The following BNC2 variants were observed in gnomAD, a reference collection of about 807,000 sequenced individuals.
BNC2 encodes zinc finger protein basonuclin-2.
BNC2 carries 20 observed loss-of-function variants against 76.3 expected under a neutral mutation model. The ratio of observed to expected loss-of-function variants is 0.26; its 90% confidence interval spans 0.18 to 0.38. BNC2 has a LOEUF of 0.38. Ranked by LOEUF, BNC2 falls within the 10% of genes least tolerant of loss-of-function variation. The probability of loss-of-function intolerance (pLI) is 1.00; values close to 1 mark genes in which losing one functional copy is unlikely to be tolerated. For missense variants in BNC2, 1,382 were observed against 1,399.8 expected, an observed-to-expected ratio of 0.99 and a Z score of 0.20; for synonymous variants, 582 against 514.8, an observed-to-expected ratio of 1.13 and a Z score of -1.77.
At chr9:16,687,208 T>C (rs909377048) in intron 3 of BNC2, among the ~76,000 whole-genome samples, 6 of 151,220 alleles carry the variant, frequency 4.0e-5, no homozygotes, top group African/African-American at 1.2e-4. Flanking sequence ...GAATTTAATT[T>C]TAAAAAAAAA....
chr9:16,471,366 T>C (rs1017025764), intron 5 of BNC2, among the ~76,000 whole-genome samples: 1 of 151,356 alleles, frequency 6.6e-6, no homozygotes, highest in Non-Finnish European at 1.5e-5. Flanking sequence ...CGATCTTGGC[T>C]CACTGCAACC....
intron 5 of BNC2, among the ~76,000 whole-genome samples, chr9:16,480,725 G>A (rs559407396): frequency 2.4e-4 from 37 of 152,330 alleles, no homozygotes; most frequent in East Asian, 1.2e-3. Flanking sequence ...ATTTCTCACC[G>A]GGCCCTAGCT....
rs1322740741 is a variant in BNC2, at chr9:16,721,049, T to C, written c.330+6748A>G. On this transcript the variant is annotated intron_variant, in intron 3 of 6. Transcript: ENST00000380672. ...TTTTTCCTATTCGTTAAACTTTCTT[T>C]AAACCTGGGGAGAAAGATGGCAGTA... 9.9e-5 allele frequency among the ~76,000 whole-genome samples: 15 copies of C among 152,166 alleles called. No homozygotes were observed. In the East Asian group the frequency reaches 1.2e-3, roughly 12 times the overall value.
intron 1 of BNC2, 142 bp downstream of exon 1, chr9:16,870,504 G>C (rs1470210523): frequency 2.4e-6 from 2 of 836,814 alleles, no homozygotes; most frequent in Non-Finnish European, 3.6e-6. Context: ...TCCCCGGCCC[G>C]CCCTCCTCAG....
chr9:16,695,127 G>A (rs1472424201), intron 3 of BNC2, among the ~76,000 whole-genome samples: 2 of 152,180 alleles, frequency 1.3e-5, no homozygotes, highest in Non-Finnish European at 2.9e-5. Flanking sequence ...AGCTTTAGAA[G>A]CTAAGAAGAG....
intron 5 of BNC2, among the ~76,000 whole-genome samples, chr9:16,469,750 A>G (rs1469524021): frequency 1.3e-5 from 2 of 152,204 alleles, no homozygotes; most frequent in African/African-American, 4.8e-5. Context: ...TTTGCCCAAA[A>G]TGCTGATAGC....
intron 5 of BNC2, among the ~76,000 whole-genome samples, chr9:16,457,949 G>C (rs966617575): frequency 6.6e-6 from 1 of 152,170 alleles, no homozygotes. Flanking sequence ...GAGAGATTCT[G>C]TGATGGTGGC....
chr9:16,653,318 T>G (rs1821841947), intron 3 of BNC2, among the ~76,000 whole-genome samples: 1 of 152,102 alleles, frequency 6.6e-6, no homozygotes, highest in Admixed American at 6.5e-5. Flanking sequence ...CACTCACAAA[T>G]GTAAGTGCCC....
chr9:16,485,562 C>A (rs369923049), intron 5 of BNC2, among the ~76,000 whole-genome samples: 28 of 152,268 alleles, frequency 1.8e-4, no homozygotes, highest in African/African-American at 5.5e-4. Flanking sequence ...GTCCTCCACC[C>A]CACTGGGCTC....
intron 3 of BNC2, among the ~76,000 whole-genome samples, chr9:16,700,049 T>C (rs1433860716): frequency 6.6e-6 from 1 of 152,260 alleles, no homozygotes; most frequent in Non-Finnish European, 1.5e-5. Context: ...TTTACACATA[T>C]ATGCCTGTAT....
rs1477705486 is a variant in BNC2 at position 16,449,165 on chromosome 9, G to A, written c.670-11641C>T. On this transcript the variant is annotated intron_variant, in intron 5 of 6. Transcript: ENST00000380672. ...ACATTATAGAGCACAAGGTAATAAC[G>A]GCGTCTGCGTGCCTTAATACCCTCT... Among the ~76,000 whole-genome samples the A allele has an allele frequency of 5.9e-5, 9 of 152,192 alleles. No individual in the cohort carries two copies. The South Asian group carries it at 1.0e-3, about 18-fold the overall frequency.
chr9:16,516,304 G>A (rs1045332107), intron 5 of BNC2, among the ~76,000 whole-genome samples: 1 of 150,848 alleles, frequency 6.6e-6, no homozygotes, highest in Non-Finnish European at 1.5e-5. Flanking sequence ...GCCGCCTCAG[G>A]TATCAGAACT....
At chr9:16,515,376 G>A (rs561251520) in intron 5 of BNC2, among the ~76,000 whole-genome samples, 113 of 152,344 alleles carry the variant, frequency 7.4e-4, no homozygotes, top group Non-Finnish European at 1.2e-3. Flanking sequence ...TGTGCTGAAA[G>A]GAATGCTACG....
At chr9:16,462,243 A>G (rs1821599133) in intron 5 of BNC2, among the ~76,000 whole-genome samples, 1 of 152,200 alleles carries the variant, frequency 6.6e-6, no homozygotes, top group Non-Finnish European at 1.5e-5. Context: ...AAATTATTAA[A>G]GCCAGTTAGA....
At chr9:16,592,111 C>T (rs1265886924) in intron 3 of BNC2, among the ~76,000 whole-genome samples, 1 of 151,708 alleles carries the variant, frequency 6.6e-6, no homozygotes, top group African/African-American at 2.4e-5. Flanking sequence ...TTAACCACCC[C>T]TCCCCTCCCC....
chr9:16,777,733 A>G (rs1826009706), intron 1 of BNC2, among the ~76,000 whole-genome samples: 2 of 151,166 alleles, frequency 1.3e-5, no homozygotes, highest in South Asian at 2.1e-4. Context: ...GTTAGGATGT[A>G]AAAAGCATGT....
chr9:16,723,864 T>A (rs573097589), intron 3 of BNC2, among the ~76,000 whole-genome samples: 1 of 152,068 alleles, frequency 6.6e-6, no homozygotes, highest in Non-Finnish European at 1.5e-5. Context: ...GAGAATCTAA[T>A]GCACAATAGA....
chr9:16,870,527 C>T, intron 1 of BNC2, 119 bp downstream of exon 1: 6 of 1,226,006 alleles, frequency 4.9e-6, no homozygotes, highest in Non-Finnish European at 6.9e-6. Context: ...CCCCTTGCCC[C>T]TCACGCCGCG....
At chr9:16,624,427 C>T (rs1164607051) in intron 3 of BNC2, among the ~76,000 whole-genome samples, 1 of 152,162 alleles carries the variant, frequency 6.6e-6, no homozygotes, top group Non-Finnish European at 1.5e-5. Context: ...AAACTGCTCA[C>T]ACAACATAAA....
Sources: gnomAD v4.1 joint callset for allele counts (sites outside exome capture counted in the v4.1 genomes callset) on GRCh38, gnomAD v4.1.1 for gene constraint, MANE v1.5 for transcripts, NCBI Gene and HGNC (gene_info 2026-07-23, HGNC 2026-07-21) for gene names.